MOXD1: variants seen among roughly 807,000 people sequenced by gnomAD.
The protein encoded by MOXD1 is DBH-like monooxygenase protein 1.
In MOXD1, 62 loss-of-function variants were observed where a neutral mutation model predicts 66.6. The ratio of observed to expected loss-of-function variants is 0.93; its 90% confidence interval spans 0.76 to 1.15. The LOEUF is 1.15. MOXD1 is among the 50% of genes most tolerant of loss of function. The probability of loss-of-function intolerance (pLI) is 0.00; values close to 1 mark genes in which losing one functional copy is unlikely to be tolerated. For synonymous variants in MOXD1, 303 were observed against 281.9 expected, an observed-to-expected ratio of 1.07 and a Z score of -0.75; for missense variants, 847 against 754.6, an observed-to-expected ratio of 1.12 and a Z score of -1.44.
At chr6:132,359,249 A>G (rs1582592953) in intron 4 of MOXD1, among the ~76,000 whole-genome samples, 1 of 151,650 alleles carries the variant, frequency 6.6e-6, no homozygotes. Context: ...CCTCCCAACT[A>G]GCTGGTACCA....
At chr6:132,365,708 G>A (rs537181235) in intron 4 of MOXD1, among the ~76,000 whole-genome samples, 2 of 152,260 alleles carry the variant, frequency 1.3e-5, no homozygotes, top group South Asian at 4.1e-4. Context: ...GTAGCTAGAC[G>A]ATCTCCAGTG....
chr6:132,342,649 T>G (rs1775588228), intron 4 of MOXD1, among the ~76,000 whole-genome samples: 1 of 152,224 alleles, frequency 6.6e-6, no homozygotes. Flanking sequence ...TATGAGCTGT[T>G]TTTAAATGAT....
intron 4 of MOXD1, among the ~76,000 whole-genome samples, chr6:132,351,157 G>C (rs927572521): frequency 6.6e-6 from 1 of 152,010 alleles, no homozygotes; most frequent in African/African-American, 2.4e-5. Context: ...GATTGCTCTG[G>C]CTAGGACTTC....
intron 1 of MOXD1, among the ~76,000 whole-genome samples, chr6:132,398,043 C>T (rs945414236): frequency 6.6e-6 from 1 of 152,116 alleles, no homozygotes; most frequent in Non-Finnish European, 1.5e-5. Context: ...TCCTCCACAC[C>T]TTCCCACTCC....
At chr6:132,400,112 G>T (rs964429175) in intron 1 of MOXD1, among the ~76,000 whole-genome samples, 4 of 152,182 alleles carry the variant, frequency 2.6e-5, no homozygotes, top group African/African-American at 4.8e-5. Context: ...CAGAATCAGC[G>T]TTCAAGTTTG....
At chr6:132,309,927 A>G (rs1774786644) in intron 10 of MOXD1, among the ~76,000 whole-genome samples, 1 of 152,240 alleles carries the variant, frequency 6.6e-6, no homozygotes, top group Non-Finnish European at 1.5e-5. Flanking sequence ...AATACCATTC[A>G]GGACATAGGC....
intron 4 of MOXD1, among the ~76,000 whole-genome samples, chr6:132,353,317 T>C (rs894881469): frequency 2.0e-5 from 3 of 152,224 alleles, no homozygotes; most frequent in African/African-American, 7.2e-5. Context: ...TGTTTCAAGA[T>C]TTAGAGCTCC....
In MOXD1 at chr6:132,296,942, C is replaced by T. The variant is rs910609739; in HGVS notation, c.*211G>A. On this transcript the variant is annotated 3_prime_UTR_variant, in exon 12 of 12. Coordinates refer to ENST00000367963, the MANE Select transcript of MOXD1 (RefSeq NM_015529.4). ...AGTCAGGCCAGTTTTATTTTATTGACCATGTATATATAACATCAGATATTT... is the reference window on the plus strand; with the variant it reads ...AGTCAGGCCAGTTTTATTTTATTGATCATGTATATATAACATCAGATATTT... 2.4e-5 allele frequency: 10 copies of T among 414,878 alleles called. No individual in the cohort carries two copies. The highest frequency in any genetic ancestry group is 2.0e-4 in the African/African-American group (10 of 50,708). 25.7% of individuals were successfully genotyped at this position (414,878 alleles called of 1,614,324 possible).
intron 1 of MOXD1, among the ~76,000 whole-genome samples, chr6:132,393,928 C>A (rs554398228): frequency 6.6e-6 from 1 of 152,334 alleles, no homozygotes; most frequent in East Asian, 1.9e-4. Context: ...ACATCACCAA[C>A]ACCAGCACTG....
chr6:132,380,363 G>T (rs917318232), intron 1 of MOXD1, among the ~76,000 whole-genome samples: 1 of 152,070 alleles, frequency 6.6e-6, no homozygotes, highest in African/African-American at 2.4e-5. Flanking sequence ...TGTACTAATT[G>T]CTCCCTTCAA....
chr6:132,320,432 A>G (rs1216541692), intron 9 of MOXD1, among the ~76,000 whole-genome samples, 197 bp downstream of exon 9: 1 of 152,208 alleles, frequency 6.6e-6, no homozygotes, highest in Non-Finnish European at 1.5e-5. Flanking sequence ...ATTATTTAAT[A>G]CTATAATATC....
At chr6:132,397,022 G>C (rs771070760) in intron 1 of MOXD1, among the ~76,000 whole-genome samples, 33 of 152,134 alleles carry the variant, frequency 2.2e-4, no homozygotes, top group African/African-American at 8.0e-4. Context: ...GAAAGACTAA[G>C]TCATAAAAGG....
intron 10 of MOXD1, among the ~76,000 whole-genome samples, chr6:132,308,817 A>G (rs1380283959): frequency 1.3e-5 from 2 of 152,218 alleles, no homozygotes. Flanking sequence ...ATAAAATTCA[A>G]CATCCCTTCA....
At chr6:132,381,757 A>G (rs13219729) in intron 1 of MOXD1, among the ~76,000 whole-genome samples, 1 of 152,206 alleles carries the variant, frequency 6.6e-6, no homozygotes, top group Non-Finnish European at 1.5e-5. Context: ...TGAAACAGAC[A>G]CAGTAAAACA....
chr6:132,335,727 C>A (rs1463885702), intron 4 of MOXD1, among the ~76,000 whole-genome samples: 1 of 152,118 alleles, frequency 6.6e-6, no homozygotes, highest in Non-Finnish European at 1.5e-5. Context: ...TACAGCAGCC[C>A]TAGGAAATTC....
chr6:132,315,154 C>T (rs1774914429), intron 10 of MOXD1, among the ~76,000 whole-genome samples: 1 of 152,190 alleles, frequency 6.6e-6, no homozygotes. Flanking sequence ...CAGAGACCAC[C>T]TATATGACTA....
chr6:132,326,584 T>C (rs1250313454), intron 6 of MOXD1, among the ~76,000 whole-genome samples: 1 of 152,190 alleles, frequency 6.6e-6, no homozygotes, highest in Non-Finnish European at 1.5e-5. Context: ...ATCCCATTGT[T>C]ATTGTGATGA....
chr6:132,328,270 A>G (rs1451456445), intron 5 of MOXD1, 145 bp downstream of exon 5: 1 of 1,221,076 alleles, frequency 8.2e-7, no homozygotes, highest in Admixed American at 2.6e-5. Flanking sequence ...TAAAGAAAGA[A>G]TCCCTTCCTA....
At position 132,297,067 on chromosome 6, in the gene MOXD1, GC is replaced by G; in HGVS notation, c.*85del. On this transcript the variant is annotated 3_prime_UTR_variant, in exon 12 of 12. Transcript: ENST00000367963. ...GAAGAAAAGTCTCCACACTCTTCATGCCCAAAGTGGACACAGTCTTTAACCT... is the reference window on the plus strand; with the variant it reads ...GAAGAAAAGTCTCCACACTCTTCATGCCAAAGTGGACACAGTCTTTAACCT... The G allele has an allele frequency of 1.4e-6, 2 of 1,410,912 alleles. No homozygotes were observed. Among genetic ancestry groups the G allele is most frequent in the Non-Finnish European group, 1.9e-6 (2 of 1,031,854 alleles). The allele number at this position is 1,410,912 out of a possible 1,614,324, so 87.4% of individuals were successfully genotyped here. A position where few individuals can be genotyped will look rare whatever the true frequency, so the allele number is the denominator to read the frequency against.
Sources: allele counts gnomAD v4.1 joint callset (sites outside exome capture counted in the v4.1 genomes callset), GRCh38; gene constraint gnomAD v4.1.1; transcripts MANE v1.5; gene names NCBI Gene and HGNC (gene_info 2026-07-23, HGNC 2026-07-21).